LOC128462377: variants seen among roughly 807,000 people sequenced by gnomAD.
At chr16:89,378,349 C>T in the LOC128462377 span, among the ~76,000 whole-genome samples, 11 of 152,166 alleles carry the variant, frequency 7.2e-5, no homozygotes, top group African/African-American at 2.7e-4. Context: ...GCCACTAATC[C>T]CCAAGTTGTT....
the LOC128462377 span, among the ~76,000 whole-genome samples, chr16:89,393,956 C>T: frequency 6.6e-6 from 1 of 152,174 alleles, no homozygotes; most frequent in African/African-American, 2.4e-5. Context: ...GTGAGGGCTA[C>T]GAATAAGTGA....
chr16:89,324,722 G>C, the LOC128462377 span: 1 of 334,372 alleles, frequency 3.0e-6, no homozygotes, highest in Admixed American at 4.3e-5. Flanking sequence ...TGGGTTCTTG[G>C]ACCTACACCA....
chr16:89,417,501 T>C, the LOC128462377 span, among the ~76,000 whole-genome samples: 2 of 152,230 alleles, frequency 1.3e-5, no homozygotes, highest in East Asian at 3.9e-4. Flanking sequence ...CAAAGTCTTT[T>C]TGGAGACTGC....
At chr16:89,358,807 G>A in the LOC128462377 span, among the ~76,000 whole-genome samples, 1 of 151,868 alleles carries the variant, frequency 6.6e-6, no homozygotes, top group Non-Finnish European at 1.5e-5. Context: ...TCACATTTCA[G>A]TTATAGTTTG....
chr16:89,356,333 C>G, the LOC128462377 span, among the ~76,000 whole-genome samples: 1 of 144,566 alleles, frequency 6.9e-6, no homozygotes, highest in East Asian at 2.1e-4. Context: ...GGTGGCAAGC[C>G]ATCCGCTGAG....
chr16:89,386,588 G>C, the LOC128462377 span, among the ~76,000 whole-genome samples: 4 of 152,220 alleles, frequency 2.6e-5, no homozygotes, highest in African/African-American at 9.6e-5. Flanking sequence ...CCCGCGGGGA[G>C]GAGTGTATCC....
chr16:89,364,084 A>ACACT, the LOC128462377 span, among the ~76,000 whole-genome samples: 2 of 151,024 alleles, frequency 1.3e-5, no homozygotes, highest in East Asian at 2.0e-4. Context: ...ACACACACAC[A>ACACT]CTCAATGGAA....
At chr16:89,360,244 T>C in the LOC128462377 span, among the ~76,000 whole-genome samples, 1 of 152,228 alleles carries the variant, frequency 6.6e-6, no homozygotes, top group Non-Finnish European at 1.5e-5. Context: ...ATCTCGTTCA[T>C]TTTTATGGCT....
At chr16:89,396,530 C>T in the LOC128462377 span, among the ~76,000 whole-genome samples, 3 of 152,076 alleles carry the variant, frequency 2.0e-5, no homozygotes, top group East Asian at 5.8e-4. Flanking sequence ...CTTCCATTTT[C>T]CCACTAGATT....
chr16:89,328,629 C>A, the LOC128462377 span, among the ~76,000 whole-genome samples: 1 of 130,042 alleles, frequency 7.7e-6, no homozygotes, highest in African/African-American at 3.0e-5. Flanking sequence ...TGAGTGGACA[C>A]ACCCAGGAGC....
the LOC128462377 span, among the ~76,000 whole-genome samples, chr16:89,391,931 A>G: frequency 1.3e-5 from 2 of 152,260 alleles, no homozygotes; most frequent in Admixed American, 1.3e-4. Context: ...GCATGCTTAT[A>G]CTGGTCGAAG....
At chr16:89,366,973 GT>G in the LOC128462377 span, among the ~76,000 whole-genome samples, 1 of 152,196 alleles carries the variant, frequency 6.6e-6, no homozygotes, top group African/African-American at 2.4e-5. Context: ...GCTGGATTAG[GT>G]CCGCTGATTG....
chr16:89,353,153 C>T, the LOC128462377 span, among the ~76,000 whole-genome samples: 1 of 152,046 alleles, frequency 6.6e-6, no homozygotes, highest in East Asian at 1.9e-4. Flanking sequence ...ACCAGCCTGG[C>T]CAATATGGTG....
the LOC128462377 span, among the ~76,000 whole-genome samples, chr16:89,329,898 T>C: frequency 6.6e-6 from 1 of 151,770 alleles, no homozygotes. Flanking sequence ...CCCAGCTACT[T>C]GGGAGGCTGA....
the LOC128462377 span, chr16:89,323,632 G>A: frequency 3.1e-6 from 1 of 325,076 alleles, no homozygotes; most frequent in Admixed American, 4.4e-5. Flanking sequence ...GAGGGACAGA[G>A]GCCCTCACAG....
chr16:89,385,521 T>C, the LOC128462377 span, among the ~76,000 whole-genome samples: 1 of 150,856 alleles, frequency 6.6e-6, no homozygotes, highest in Non-Finnish European at 1.5e-5. Flanking sequence ...CGAGACCCTG[T>C]GGGTATCCCT....
the LOC128462377 span, among the ~76,000 whole-genome samples, chr16:89,344,242 G>C: frequency 6.6e-6 from 1 of 152,140 alleles, no homozygotes; most frequent in Admixed American, 6.5e-5. Context: ...ACATCTGCAC[G>C]GTGCTTTACT....
the LOC128462377 span, among the ~76,000 whole-genome samples, chr16:89,329,931 C>G: frequency 1.3e-5 from 2 of 151,414 alleles, no homozygotes; most frequent in African/African-American, 2.4e-5. Context: ...CAGAGGCTGC[C>G]GTGAGCAGAG....
the LOC128462377 span, chr16:89,323,983 A>C: frequency 4.6e-6 from 1 of 218,534 alleles, no homozygotes; most frequent in Non-Finnish European, 9.2e-6. Flanking sequence ...CCCAAAATTC[A>C]CAGGTTCAAA....
Sources: gnomAD v4.1 joint callset for allele counts (sites outside exome capture counted in the v4.1 genomes callset) on GRCh38, gnomAD v4.1.1 for gene constraint, MANE v1.5 for transcripts.